TTC7A: variants seen among roughly 807,000 people sequenced by gnomAD.
TTC7A encodes the protein tetratricopeptide repeat domain 7A.
A neutral mutation model predicts 103.7 loss-of-function variants in TTC7A; 110 were observed. The ratio of observed to expected loss-of-function variants is 1.06; its 90% CI spans 0.91 to 1.24. The LOEUF is 1.24. TTC7A is among the 50% of genes most tolerant of loss of function. TTC7A has a pLI of 0.00. For missense variants in TTC7A, 1,340 were observed against 1,116.3 expected, an observed-to-expected ratio of 1.20 and a Z score of -2.86; for synonymous variants, 521 against 467.9, an observed-to-expected ratio of 1.11 and a Z score of -1.47.
chr2:46,928,738 C>A (rs778626607), intron 2 of TTC7A, among the ~76,000 whole-genome samples: 4 of 151,812 alleles, frequency 2.6e-5, no homozygotes, highest in Non-Finnish European at 5.9e-5. Flanking sequence ...CTACTGCACT[C>A]CAGCGTGGGT....
intron 2 of TTC7A, among the ~76,000 whole-genome samples, chr2:46,926,507 G>A (rs957914932): frequency 2.6e-5 from 4 of 152,188 alleles, no homozygotes; most frequent in Non-Finnish European, 5.9e-5. Flanking sequence ...ATAAAATAGA[G>A]GAGTGAATAG....
In TTC7A at chr2:46,953,483, G is replaced by A. The variant is rs79362086; in HGVS notation, c.348+2957G>A. On this transcript the variant is annotated intron_variant, in intron 2 of 19. Transcript: ENST00000319190. ...ATTTGTAGTATTTTCTATCTCACCC[G>A]CAAAGATCAGGTCACAGTTGGCGTG... is the stretch of plus-strand genomic sequence containing the variant. 4.9e-4 allele frequency among the ~76,000 whole-genome samples: 75 copies of A among 152,220 alleles called. 1 individual carries two copies. The East Asian group carries it at 0.011, about 23-fold the overall frequency.
intron 19 of TTC7A, among the ~76,000 whole-genome samples, 182 bp from the exon 20 acceptor site, chr2:47,073,520 G>A (rs1684951713): frequency 6.6e-6 from 1 of 152,194 alleles, no homozygotes; most frequent in Non-Finnish European, 1.5e-5. Context: ...CAGGGCTTGG[G>A]CAGGGCCAGG....
chr2:47,066,807 C>G (rs1684218083), intron 19 of TTC7A, among the ~76,000 whole-genome samples: 1 of 152,222 alleles, frequency 6.6e-6, no homozygotes, highest in African/African-American at 2.4e-5. Context: ...CCTTCCGCCT[C>G]AGCCTCCAAA....
At chr2:47,009,775 C>T (rs1046592782) in intron 10 of TTC7A, among the ~76,000 whole-genome samples, 1 of 152,008 alleles carries the variant, frequency 6.6e-6, no homozygotes, top group African/African-American at 2.4e-5. Flanking sequence ...GTCATAGTTA[C>T]ACACAGGTAC....
At chr2:46,958,816 C>T (rs924253380) in intron 3 of TTC7A, among the ~76,000 whole-genome samples, 2 of 152,198 alleles carry the variant, frequency 1.3e-5, no homozygotes, top group Admixed American at 1.3e-4. Context: ...TCTTCCCATG[C>T]AGAGTAGAGG....
At chr2:46,991,159 G>A (rs1421834579) in intron 5 of TTC7A, among the ~76,000 whole-genome samples, 6 of 151,822 alleles carry the variant, frequency 4.0e-5, no homozygotes, top group African/African-American at 7.3e-5. Flanking sequence ...CAAGTGATCC[G>A]CCAGCCTCGG....
At chr2:46,978,663 G>A in intron 4 of TTC7A, 129 bp from the exon 5 acceptor site, 1 of 647,666 alleles carries the variant, frequency 1.5e-6, no homozygotes, top group South Asian at 1.8e-5. Flanking sequence ...ATCAAGCCTG[G>A]TCTGAGAATG....
At chr2:47,047,293 G>C (rs1362373835) in intron 16 of TTC7A, 3 of 1,550,042 alleles carry the variant, frequency 1.9e-6, no homozygotes, top group Non-Finnish European at 2.6e-6. Context: ...AAGGCTTCCA[G>C]ACTCCCCAGA....
At position 46,975,018 on chromosome 2, in the gene TTC7A, G is replaced by C. The variant is rs147471840; in HGVS notation, c.563G>C (p.Arg188Pro). ...RLPNSIASRFRLTEREEEVIT... is the reference protein window; with the variant it reads ...RLPNSIASRFPLTEREEEVIT... Reference sequence around the variant, plus strand: ...CCCAACTCCATCGCCTCCCGCTTCCGCCTGACAGAGAGGGAGGAGGAAGTG... The same window carrying C: ...CCCAACTCCATCGCCTCCCGCTTCCCCCTGACAGAGAGGGAGGAGGAAGTG... Residue 188 changes from arginine to proline, a missense_variant, in exon 4 of 20, where the codon CGC becomes CCC. Transcript: ENST00000319190. 6.2e-7 allele frequency: 1 copy of C among 1,613,912 alleles called. No individual in the cohort carries two copies. Among genetic ancestry groups the C allele is most frequent in the African/African-American group, 1.3e-5 (1 of 74,918 alleles).
intron 3 of TTC7A, among the ~76,000 whole-genome samples, chr2:46,971,340 G>C (rs1348809777): frequency 6.6e-6 from 1 of 152,160 alleles, no homozygotes; most frequent in East Asian, 1.9e-4. Flanking sequence ...AGTAATTTTG[G>C]GTAGACCTGG....
chr2:47,073,025 T>TTCA (rs1684902099), intron 19 of TTC7A, among the ~76,000 whole-genome samples: 1 of 151,986 alleles, frequency 6.6e-6, no homozygotes, highest in African/African-American at 2.4e-5. Context: ...CCCCAGGCCT[T>TTCA]TCATCTTTCA....
intron 19 of TTC7A, among the ~76,000 whole-genome samples, chr2:47,069,668 C>T (rs747296672): frequency 2.6e-5 from 4 of 152,204 alleles, no homozygotes; most frequent in African/African-American, 4.8e-5. Context: ...CCCTCCCTCC[C>T]GTTCCAGGTC....
At chr2:46,991,274 A>G (rs1419232320) in intron 5 of TTC7A, among the ~76,000 whole-genome samples, 1 of 152,046 alleles carries the variant, frequency 6.6e-6, no homozygotes, top group East Asian at 1.9e-4. Context: ...TGCATTTCTA[A>G]CAAGTCCCTG....
chr2:47,064,951 G>A (rs1480866774), intron 19 of TTC7A, among the ~76,000 whole-genome samples: 1 of 152,232 alleles, frequency 6.6e-6, no homozygotes, highest in Non-Finnish European at 1.5e-5. Flanking sequence ...TGTATAAAAT[G>A]TATTCATGGG....
intron 3 of TTC7A, 56 bp from the exon 4 acceptor site, chr2:46,974,916 GC>G (rs1295808381): frequency 2.9e-5 from 46 of 1,593,914 alleles, no homozygotes; most frequent in Non-Finnish European, 3.7e-5. Flanking sequence ...CATGGGGAGG[GC>G]CTGGAGTCAG....
At chr2:47,030,055 G>T (rs1396856054) in intron 15 of TTC7A, among the ~76,000 whole-genome samples, 1 of 152,178 alleles carries the variant, frequency 6.6e-6, no homozygotes, top group East Asian at 1.9e-4. Flanking sequence ...TCTGCCTTCT[G>T]CCCCTAAGGG....
intron 3 of TTC7A, among the ~76,000 whole-genome samples, chr2:46,966,938 C>T (rs570006612): frequency 3.4e-5 from 5 of 149,116 alleles, no homozygotes; most frequent in African/African-American, 9.9e-5. Context: ...GTTGGCCGGG[C>T]GCGGTGGCTC....
intron 4 of TTC7A, among the ~76,000 whole-genome samples, chr2:46,977,889 T>G (rs1674031115): frequency 6.6e-6 from 1 of 152,202 alleles, no homozygotes; most frequent in Admixed American, 6.5e-5. Flanking sequence ...CTTTTGACCT[T>G]AGACATTTTC....
Sources: allele counts gnomAD v4.1 joint callset (sites outside exome capture counted in the v4.1 genomes callset), GRCh38; gene constraint gnomAD v4.1.1; transcripts MANE v1.5; gene names NCBI Gene and HGNC (gene_info 2026-07-23, HGNC 2026-07-21).